Variants in PTPRD observed in about 807,000 individuals in gnomAD.
PTPRD encodes the protein receptor-type tyrosine-protein phosphatase delta.
In PTPRD, 34 loss-of-function variants were observed where a neutral mutation model predicts 214.5. The ratio of observed to expected loss-of-function variants is 0.16; its 90% CI spans 0.12 to 0.21. The LOEUF (loss-of-function observed/expected upper bound fraction) is 0.21, where lower values mean the gene tolerates loss of function less well. Ranked by LOEUF, PTPRD falls within the 10% of genes least tolerant of loss-of-function variation. The pLI is 1.00. For missense variants in PTPRD, 2,545 were observed against 2,398.7 expected (o/e 1.06, Z -1.27); for synonymous variants, 1,128 against 845.7 (o/e 1.33, Z -5.79).
At chr9:10,348,132 T>A (rs185323382) in intron 2 of PTPRD, among the ~76,000 whole-genome samples, 1 of 152,208 alleles carries the variant, frequency 6.6e-6, no homozygotes, top group Non-Finnish European at 1.5e-5. Flanking sequence ...AATCTTATTT[T>A]ATGTCAAACC....
intron 36 of PTPRD, among the ~76,000 whole-genome samples, chr9:8,400,741 C>T (rs1189940946): frequency 6.6e-6 from 1 of 152,144 alleles, no homozygotes; most frequent in Non-Finnish European, 1.5e-5. Flanking sequence ...GACTGTGTGA[C>T]TCTGGGCCAA....
At chr9:9,298,316 A>T (rs1408743442) in intron 9 of PTPRD, among the ~76,000 whole-genome samples, 1 of 151,658 alleles carries the variant, frequency 6.6e-6, no homozygotes, top group Non-Finnish European at 1.5e-5. Context: ...TGTACATGAA[A>T]AGATTTGAAT....
intron 8 of PTPRD, among the ~76,000 whole-genome samples, chr9:9,481,277 G>C (rs1406406266): frequency 6.6e-6 from 1 of 152,136 alleles, no homozygotes; most frequent in African/African-American, 2.4e-5. Context: ...AAGTCCAACA[G>C]AGGCAGATTC....
At chr9:10,230,182 T>G (rs2099603818) in intron 3 of PTPRD, among the ~76,000 whole-genome samples, 1 of 152,000 alleles carries the variant, frequency 6.6e-6, no homozygotes, top group Non-Finnish European at 1.5e-5. Context: ...GAGAAAAGGT[T>G]GGAACAAATC....
chr9:10,205,563 A>T (rs1011962900), intron 3 of PTPRD, among the ~76,000 whole-genome samples: 9 of 151,700 alleles, frequency 5.9e-5, no homozygotes, highest in Non-Finnish European at 1.2e-4. Flanking sequence ...AAGCCACCAC[A>T]CCAGCCTAAT....
intron 2 of PTPRD, among the ~76,000 whole-genome samples, chr9:10,394,626 G>A (rs1040723755): frequency 2.6e-5 from 4 of 151,752 alleles, no homozygotes; most frequent in South Asian, 2.1e-4. Flanking sequence ...TGAGTAACTC[G>A]CACATCCTAA....
At chr9:8,374,069 C>G (rs1352472303) in intron 39 of PTPRD, among the ~76,000 whole-genome samples, 1 of 150,894 alleles carries the variant, frequency 6.6e-6, no homozygotes, top group Non-Finnish European at 1.5e-5. Context: ...TTATGTGTCT[C>G]TAATTTTTGT....
rs1398100969 is a variant in PTPRD at position 8,366,593 on chromosome 9, A to G, written c.4661+9343T>C. ...CCAGAAATCTGAACCCTCAAAAATCAAAGGGCAAAGAATTTCAGGAACCTG... is the reference window on the plus strand; with the variant it reads ...CCAGAAATCTGAACCCTCAAAAATCGAAGGGCAAAGAATTTCAGGAACCTG... On this transcript the variant is annotated intron_variant, in intron 39 of 45. Coordinates refer to ENST00000381196, the MANE Select transcript of PTPRD (RefSeq NM_002839.4). Among the ~76,000 whole-genome samples the G allele has an allele frequency of 3.9e-5, 6 of 152,346 alleles. No individual in the cohort carries two copies. The East Asian group carries it at 1.2e-3, about 29-fold the overall frequency.
chr9:10,170,656 C>T (rs577869491), intron 3 of PTPRD, among the ~76,000 whole-genome samples: 61 of 152,268 alleles, frequency 4.0e-4, no homozygotes, highest in African/African-American at 1.4e-3. Flanking sequence ...CACTGCACTC[C>T]AGCCTGGGCG....
intron 35 of PTPRD, among the ~76,000 whole-genome samples, chr9:8,420,006 G>C (rs1280424250): frequency 6.6e-6 from 1 of 152,052 alleles, no homozygotes; most frequent in Non-Finnish European, 1.5e-5. Flanking sequence ...TGTATGTATT[G>C]AGTGTCAGAA....
intron 2 of PTPRD, among the ~76,000 whole-genome samples, chr9:10,391,396 T>A (rs1470317350): frequency 6.6e-6 from 1 of 151,788 alleles, no homozygotes; most frequent in Non-Finnish European, 1.5e-5. Flanking sequence ...TTACATTCTT[T>A]ATGCTCAACA....
intron 11 of PTPRD, among the ~76,000 whole-genome samples, chr9:8,881,378 T>A (rs1300861926): frequency 6.6e-6 from 1 of 152,238 alleles, no homozygotes; most frequent in African/African-American, 2.4e-5. Context: ...TATATCCATT[T>A]GGTTAGGTCA....
intron 3 of PTPRD, among the ~76,000 whole-genome samples, chr9:10,209,890 T>C (rs778670567): frequency 7.2e-5 from 11 of 152,164 alleles, no homozygotes; most frequent in Non-Finnish European, 1.3e-4. Flanking sequence ...CCAGAAATAA[T>C]GTAAATCTGG....
rs187384713 is a variant in PTPRD at position 9,434,095 on chromosome 9, C to G, written c.-236-36613G>C. ...CGGTTTTGCATATACTAAAACCACA[C>G]TTTCTGGAATGTGATCAACAAATGG... On this transcript the variant is annotated intron_variant, in intron 8 of 45. Transcript: ENST00000381196. Among the ~76,000 whole-genome samples the G allele has an allele frequency of 1.4e-3, 212 of 152,252 alleles. 1 individual carries two copies. The highest frequency in any genetic ancestry group is 4.6e-3 in the African/African-American group (190 of 41,546).
chr9:10,380,647 T>G (rs1210115615), intron 2 of PTPRD, among the ~76,000 whole-genome samples: 1 of 152,052 alleles, frequency 6.6e-6, no homozygotes, highest in Non-Finnish European at 1.5e-5. Context: ...AATTGAGGCA[T>G]TAGTGGAGTA....
At chr9:9,890,926 T>A (rs541686110) in intron 5 of PTPRD, among the ~76,000 whole-genome samples, 2 of 152,290 alleles carry the variant, frequency 1.3e-5, no homozygotes, top group African/African-American at 4.8e-5. Context: ...TAGCTGAATC[T>A]AAATTACATT....
intron 2 of PTPRD, among the ~76,000 whole-genome samples, chr9:10,592,434 G>T (rs2075688539): frequency 6.6e-6 from 1 of 151,986 alleles, no homozygotes. Flanking sequence ...TTTCGTGATG[G>T]GGAGAAGATA....
At chr9:10,317,901 A>T (rs1375107568) in intron 3 of PTPRD, among the ~76,000 whole-genome samples, 1 of 152,046 alleles carries the variant, frequency 6.6e-6, no homozygotes, top group Non-Finnish European at 1.5e-5. Context: ...AAGGTATCCT[A>T]AATTCCAGCT....
intron 10 of PTPRD, among the ~76,000 whole-genome samples, chr9:9,097,376 C>T (rs2099785023): frequency 6.6e-6 from 1 of 151,618 alleles, no homozygotes; most frequent in African/African-American, 2.4e-5. Context: ...TTTAAAGAGG[C>T]CACAGGTTAG....
Sources: gnomAD v4.1 joint callset for allele counts (sites outside exome capture counted in the v4.1 genomes callset) on GRCh38, gnomAD v4.1.1 for gene constraint, MANE v1.5 for transcripts, NCBI Gene and HGNC (gene_info 2026-07-23, HGNC 2026-07-21) for gene names.